Variants in TBX5 observed in about 807,000 individuals in gnomAD.
TBX5 encodes T-box transcription factor TBX5.
In TBX5, 8 loss-of-function variants were observed where a neutral mutation model predicts 51.1. The observed-to-expected ratio is 0.16, with a 90% CI of 0.09 to 0.28. TBX5 has a LOEUF of 0.28. Ranked by LOEUF, TBX5 falls within the 10% of genes least tolerant of loss-of-function variation. The pLI is 1.00. For synonymous variants in TBX5, 302 were observed against 266.4 expected (o/e 1.13, Z -1.30); for missense variants, 589 against 671.7 (o/e 0.88, Z 1.36).
upstream of TBX5, chr12:114,407,820 C>G (rs1430126120): frequency 1.0e-6 from 1 of 985,346 alleles, no homozygotes; most frequent in Non-Finnish European, 1.2e-6. Context: ...TCACCTCCAA[C>G]TATCCCACCT....
At chr12:114,356,748 C>T (rs565812283) in intron 8 of TBX5, among the ~76,000 whole-genome samples, 53 of 152,282 alleles carry the variant, frequency 3.5e-4, no homozygotes, top group Middle Eastern at 3.4e-3. Context: ...CTGCGTAGCA[C>T]GATTCTAAGC....
chr12:114,383,149 G>A (rs1870605644), intron 7 of TBX5, among the ~76,000 whole-genome samples: 1 of 152,146 alleles, frequency 6.6e-6, no homozygotes, highest in Admixed American at 6.5e-5. Context: ...AGAAAAGCCT[G>A]GAGGGCAACT....
At chr12:114,362,749 C>G (rs1041831635) in intron 8 of TBX5, among the ~76,000 whole-genome samples, 7 of 152,274 alleles carry the variant, frequency 4.6e-5, no homozygotes, top group South Asian at 2.1e-4. Flanking sequence ...ACTGCAGCCT[C>G]GAACTCCTGG....
intron 6 of TBX5, among the ~76,000 whole-genome samples, chr12:114,388,368 G>T (rs1870940645): frequency 6.6e-6 from 1 of 152,182 alleles, no homozygotes; most frequent in African/African-American, 2.4e-5. Flanking sequence ...TGTTGGCCAG[G>T]CTGGTCTCAA....
At chr12:114,361,907 CAG>C (rs1431013185) in intron 8 of TBX5, among the ~76,000 whole-genome samples, 5 of 152,064 alleles carry the variant, frequency 3.3e-5, no homozygotes, top group East Asian at 3.9e-4. Flanking sequence ...GTGAGAAGGG[CAG>C]AGTTTCTGGA....
At chr12:114,403,618 G>C in intron 2 of TBX5, 134 bp downstream of exon 2, 2 of 1,339,824 alleles carry the variant, frequency 1.5e-6, no homozygotes, top group South Asian at 2.8e-5. Flanking sequence ...GAAAAGGGAT[G>C]ATTATAGTCG....
rs1871997592 is a variant in TBX5, at chr12:114,403,797, G to T, written c.102C>A (p.Ala34=). The change falls in exon 2 of 9, where the codon GCC becomes GCA. Residue 34 remains alanine, a synonymous_variant. Coordinates refer to ENST00000405440, the MANE Select transcript of TBX5 (RefSeq NM_181486.4). ...GCGGGGACGACGGGGACTTGCTGGG[G>T]GCCCCGAGCGCGCTCTCGGGTTTCG... The part of the protein sequence containing the change: ...CDSKPESALG[A]PSKSPSSPQA... The T allele has an allele frequency of 6.2e-7, 1 of 1,614,068 alleles. No individual in the cohort carries two copies. Among genetic ancestry groups the T allele is most frequent in the Admixed American group, 1.7e-5 (1 of 60,032 alleles).
chr12:114,357,278 C>G (rs1204923505), intron 8 of TBX5, among the ~76,000 whole-genome samples: 1 of 152,086 alleles, frequency 6.6e-6, no homozygotes, highest in African/African-American at 2.4e-5. Context: ...GCCACTGGCC[C>G]CTTTGAAAAC....
At chr12:114,370,638 CCTCTCTCTCTCTCT>C (rs142620191) in intron 7 of TBX5, among the ~76,000 whole-genome samples, 4 of 146,774 alleles carry the variant, frequency 2.7e-5, no homozygotes, top group African/African-American at 1.0e-4. Context: ...ATGATCTCTC[CCTCTCTCTCTCTCT>C]CTCTCTCTCT....
At chr12:114,379,852 T>C (rs1355289862) in intron 7 of TBX5, among the ~76,000 whole-genome samples, 1 of 152,216 alleles carries the variant, frequency 6.6e-6, no homozygotes, top group Non-Finnish European at 1.5e-5. Context: ...GATCAAAAGC[T>C]GAATAAGTAA....
intron 7 of TBX5, among the ~76,000 whole-genome samples, chr12:114,383,198 G>C (rs1056167833): frequency 2.0e-5 from 3 of 152,092 alleles, no homozygotes; most frequent in African/African-American, 7.2e-5. Flanking sequence ...AGGGGTCCTG[G>C]GGGAGACATG....
upstream of TBX5, among the ~76,000 whole-genome samples, chr12:114,406,737 T>G (rs1272902330): frequency 6.6e-6 from 1 of 152,148 alleles, no homozygotes; most frequent in Admixed American, 6.5e-5. Flanking sequence ...CTGCTCCAGG[T>G]GTACACAAGG....
At chr12:114,367,271 G>T (rs200637065) in intron 7 of TBX5, among the ~76,000 whole-genome samples, 1 of 33,688 alleles carries the variant, frequency 3.0e-5, no homozygotes, top group African/African-American at 1.2e-4. Context: ...GAAAAGAAAA[G>T]AAAAAATCAG....
At chr12:114,382,374 G>A (rs548879410) in intron 7 of TBX5, among the ~76,000 whole-genome samples, 1 of 152,306 alleles carries the variant, frequency 6.6e-6, no homozygotes, top group South Asian at 2.1e-4. Flanking sequence ...TAGAACTTTA[G>A]GAGAGTTGGC....
upstream of TBX5, chr12:114,407,152 G>A (rs1252853414): frequency 1.0e-6 from 1 of 977,070 alleles, no homozygotes; most frequent in African/African-American, 1.8e-5. Context: ...CCCAGGCCAG[G>A]CCATTGCTGC....
intron 4 of TBX5, 74 bp from the exon 5 acceptor site, chr12:114,398,794 A>T (rs754455868): frequency 7.8e-6 from 12 of 1,535,064 alleles, no homozygotes; most frequent in Non-Finnish European, 1.1e-5. Context: ...AGCGTGCTTC[A>T]GTTCACGCAC....
At chr12:114,359,256 C>A (rs941128715) in intron 8 of TBX5, among the ~76,000 whole-genome samples, 4 of 152,176 alleles carry the variant, frequency 2.6e-5, no homozygotes, top group Admixed American at 6.5e-5. Flanking sequence ...CCTCTCAGGC[C>A]TCATCACATT....
In TBX5 at chr12:114,368,849, G is replaced by T. The variant is rs577345279; in HGVS notation, c.756-2458C>A. ...TACAGACACCCTCAGGACACCCAGG[G>T]GTCTCCTAGCCCAGCTTCCCTGTGC... On this transcript the variant is annotated intron_variant, in intron 7 of 8. Transcript: ENST00000405440. 3.3e-5 allele frequency among the ~76,000 whole-genome samples: 5 copies of T among 152,164 alleles called. No individual in the cohort carries two copies. In the East Asian group the frequency reaches 7.7e-4, roughly 24 times the overall value.
At chr12:114,374,880 G>A (rs966230926) in intron 7 of TBX5, among the ~76,000 whole-genome samples, 2 of 152,162 alleles carry the variant, frequency 1.3e-5, no homozygotes, top group East Asian at 3.8e-4. Flanking sequence ...AAAAGAAGGA[G>A]GGAGGGAGAG....
Sources: gnomAD v4.1 joint callset for allele counts (sites outside exome capture counted in the v4.1 genomes callset) on GRCh38, gnomAD v4.1.1 for gene constraint, MANE v1.5 for transcripts, NCBI Gene and HGNC (gene_info 2026-07-23, HGNC 2026-07-21) for gene names.